The following TMEM230 variants were observed in gnomAD, a reference collection of about 807,000 sequenced individuals.
TMEM230 encodes the protein UPF0414 transmembrane protein C20orf30.
TMEM230 carries 10 observed loss-of-function variants against 15.8 expected under a neutral mutation model. The observed-to-expected ratio is 0.63, with a 90% confidence interval of 0.39 to 1.07. The LOEUF (loss-of-function observed/expected upper bound fraction) is 1.07, where lower values mean the gene tolerates loss of function less well. Ranked by LOEUF, TMEM230 falls within the 50% of genes least tolerant of loss-of-function variation. TMEM230 has a pLI of 0.01. For missense variants in TMEM230, 165 were observed against 193.3 expected (o/e 0.85, Z 0.87); for synonymous variants, 67 against 76.9 (o/e 0.87, Z 0.68).
intron 3 of TMEM230, among the ~76,000 whole-genome samples, chr20:5,069,999 T>C (rs1182061530): frequency 1.3e-5 from 2 of 152,198 alleles, no homozygotes; most frequent in Non-Finnish European, 2.9e-5. Context: ...TGTGAGCCAC[T>C]GCGCCCAGCA....
chr20:5,086,825 A>G, intron 3 of TMEM230, among the ~76,000 whole-genome samples: 1 of 151,832 alleles, frequency 6.6e-6, no homozygotes, highest in Non-Finnish European at 1.5e-5. Context: ...TCAGCCTCCC[A>G]AGTAGCTGGG....
At position 5,104,786 on chromosome 20, in the gene TMEM230, T is replaced by G. The variant is rs181341008; in HGVS notation, c.411+1402A>C. Among the ~76,000 whole-genome samples the G allele has an allele frequency of 1.2e-3, 190 of 152,322 alleles. 1 individual carries two copies. The highest frequency in any genetic ancestry group is 1.9e-3 in the Admixed American group (29 of 15,292). On this transcript the variant is annotated intron_variant, in intron 4 of 4. Coordinates refer to ENST00000342308, the MANE Select transcript of TMEM230 (RefSeq NM_001009923.2). ...TAAGCCAGGCACAGAAAGACACACT[T>G]TCCATGTTCTCACTCATTTGCGGGA...
chr20:5,106,882 T>A (rs1205555079), intron 3 of TMEM230, among the ~76,000 whole-genome samples: 1 of 151,862 alleles, frequency 6.6e-6, no homozygotes, highest in Non-Finnish European at 1.5e-5. Context: ...ATTTTTAAAT[T>A]TTTCTGTAGA....
intron 4 of TMEM230, among the ~76,000 whole-genome samples, chr20:5,103,087 G>T (rs1019256172): frequency 5.9e-5 from 9 of 152,128 alleles, no homozygotes; most frequent in Non-Finnish European, 1.2e-4. Context: ...ACATCCACCG[G>T]GTGTGGTGGC....
At chr20:5,095,769 G>C (rs575031278), downstream of TMEM230, among the ~76,000 whole-genome samples, 2 of 152,318 alleles carry the variant, frequency 1.3e-5, no homozygotes, top group South Asian at 4.1e-4. Flanking sequence ...ACCGATTTAG[G>C]AGAGGAGCCC....
At chr20:5,089,236 G>A (rs563177994) in intron 3 of TMEM230, among the ~76,000 whole-genome samples, 9 of 152,200 alleles carry the variant, frequency 5.9e-5, no homozygotes, top group South Asian at 2.1e-4. Flanking sequence ...TTAGCCGGGC[G>A]TGGTGGCACG....
chr20:5,076,627 G>C (rs942157511), intron 3 of TMEM230, among the ~76,000 whole-genome samples: 2 of 150,194 alleles, frequency 1.3e-5, no homozygotes, highest in African/African-American at 2.5e-5. Context: ...AGGCATCTAT[G>C]TATATTCTCT....
At chr20:5,072,463 C>T (rs369950804) in intron 3 of TMEM230, among the ~76,000 whole-genome samples, 3 of 152,220 alleles carry the variant, frequency 2.0e-5, no homozygotes, top group South Asian at 4.1e-4. Context: ...AAGAACTCTC[C>T]CCGGCATCTT....
At chr20:5,091,125 A>G (rs2089493414) in intron 3 of TMEM230, among the ~76,000 whole-genome samples, 1 of 152,158 alleles carries the variant, frequency 6.6e-6, no homozygotes, top group South Asian at 2.1e-4. Context: ...CAGCCTCCCA[A>G]GTAGCTGGGA....
intron 3 of TMEM230, among the ~76,000 whole-genome samples, chr20:5,071,204 C>A (rs1213555807): frequency 1.3e-5 from 2 of 152,088 alleles, no homozygotes; most frequent in Non-Finnish European, 2.9e-5. Context: ...CATCACTGGG[C>A]TATATGGGGC....
At chr20:5,106,117 A>ACACG (rs1568504799) in intron 4 of TMEM230, 71 bp downstream of exon 3, 2 of 1,532,144 alleles carry the variant, frequency 1.3e-6, no homozygotes, top group Non-Finnish European at 1.8e-6. Context: ...ACACACACAC[A>ACACG]CACGCACACT....
chr20:5,084,412 C>T lies in TMEM230; in HGVS notation c.223-15063G>A, dbSNP rs190506137. On this transcript the variant is annotated intron_variant, in intron 3 of 3. Coordinates refer to the TMEM230 transcript ENST00000612323. Reference sequence around the variant, plus strand: ...CTAATTTTTGTATTTTTAGTAGAGACGGGGTTTCACCATATTGGTCAGGCT... The same window carrying T: ...CTAATTTTTGTATTTTTAGTAGAGATGGGGTTTCACCATATTGGTCAGGCT... Among the ~76,000 whole-genome samples, 87 of 151,554 alleles carry T rather than the reference C, an allele frequency of 5.7e-4. 1 individual carries two copies. The highest frequency in any genetic ancestry group is 6.8e-3 in the Middle Eastern group (2 of 292).
At position 5,070,780 on chromosome 20, in the gene TMEM230, T is replaced by G. The variant is rs900350506; in HGVS notation, c.223-1431A>C. Among the ~76,000 whole-genome samples, 4 of 152,242 alleles carry G rather than the reference T, an allele frequency of 2.6e-5. No homozygotes were observed. The South Asian group carries it at 8.3e-4, about 31-fold the overall frequency. ...TTGCTTGTTGGTTGGTTCTTTATTT[T>G]GCTTTTGAGACAAGATCTCACTGTT... On this transcript the variant is annotated intron_variant, in intron 3 of 3. Transcript: ENST00000612323.
intron 3 of TMEM230, among the ~76,000 whole-genome samples, chr20:5,070,288 G>T (rs1379836772): frequency 6.6e-6 from 1 of 152,116 alleles, no homozygotes; most frequent in Admixed American, 6.6e-5. Flanking sequence ...GAGCCATCTT[G>T]TATTTGCATC....
the TMEM230 span, among the ~76,000 whole-genome samples, chr20:5,060,775 T>A: frequency 6.6e-6 from 1 of 152,196 alleles, no homozygotes; most frequent in Non-Finnish European, 1.5e-5. Flanking sequence ...TCAATTTTCC[T>A]TTTGGGGGAC....
Position 5,100,661 on chromosome 20 carries a change from A to C in TMEM230, c.*130T>G, listed in dbSNP as rs760624595. On this transcript the variant is annotated 3_prime_UTR_variant, in exon 5 of 5. Transcript: ENST00000342308. ...CTTAACATCTTTGGGAAGGACCCAA[A>C]AAATCTGGCCATTATTTTCTTAAAC... 33 of 1,473,258 alleles carry C rather than the reference A, an allele frequency of 2.2e-5. No homozygotes were observed. Among genetic ancestry groups the C allele is most frequent in the Admixed American group, 7.6e-5 (3 of 39,732 alleles). The allele number at this position is 1,473,258 out of a possible 1,614,324, so 91.3% of individuals were successfully genotyped here.
At chr20:5,106,648 C>G (rs2090107176) in intron 3 of TMEM230, among the ~76,000 whole-genome samples, 1 of 152,174 alleles carries the variant, frequency 6.6e-6, no homozygotes, top group South Asian at 2.1e-4. Context: ...CTCAGGTGAT[C>G]CGCCCGCCTC....
chr20:5,083,285 AT>A (rs71197748), intron 3 of TMEM230, among the ~76,000 whole-genome samples: 3,213 of 119,840 alleles, frequency 0.027, 68 homozygotes, highest in African/African-American at 0.074. Flanking sequence ...GGTTAGGGAG[AT>A]TTTTTTTTTT....
Position 5,100,879 on chromosome 20 carries a change from G to A in TMEM230, c.464C>T (p.Pro155Leu). The A allele has an allele frequency of 6.2e-7, 1 of 1,614,178 alleles. No homozygotes were observed. Among genetic ancestry groups the A allele is most frequent in the Non-Finnish European group, 8.5e-7 (1 of 1,180,034 alleles). Reference sequence around the variant, plus strand: ...AGCGATGCGCAGGTGGTAAAATCCGGGTAGGAACACCAGAATGCCAATGAT... The same window carrying A: ...AGCGATGCGCAGGTGGTAAAATCCGAGTAGGAACACCAGAATGCCAATGAT... The change falls in exon 5 of 5, where the codon CCC becomes CTC. Residue 155 changes from proline (P) to leucine (L), a missense_variant. Transcript: ENST00000342308.
Sources: gnomAD v4.1 joint callset for allele counts (sites outside exome capture counted in the v4.1 genomes callset) on GRCh38, gnomAD v4.1.1 for gene constraint, MANE v1.5 for transcripts, NCBI Gene and HGNC (gene_info 2026-07-23, HGNC 2026-07-21) for gene names.